SH2D1B: variants seen among roughly 807,000 people sequenced by gnomAD.
SH2D1B encodes the protein SH2 domain containing 1B, also known as SH2 domain-containing protein 1B.
A neutral mutation model predicts 16.3 loss-of-function variants in SH2D1B; 11 were observed. The ratio of observed to expected loss-of-function variants is 0.67; its 90% CI spans 0.42 to 1.11. The LOEUF (loss-of-function observed/expected upper bound fraction) is 1.11. SH2D1B is among the 50% of genes most tolerant of loss of function. SH2D1B has a pLI of 0.00. For missense variants in SH2D1B, 123 were observed against 153.1 expected (o/e 0.80, Z 1.04); for synonymous variants, 55 against 56.1 (o/e 0.98, Z 0.09).
In SH2D1B at chr1:162,397,071, T is replaced by G. The variant is rs1648394985; in HGVS notation, c.*209A>C. 1.8e-6 allele frequency: 1 copy of G among 556,096 alleles called. No individual in the cohort carries two copies. The highest frequency in any genetic ancestry group is 3.2e-6 in the Non-Finnish European group (1 of 308,978). 34.4% of individuals were successfully genotyped at this position (556,096 alleles called of 1,614,324 possible). On this transcript the variant is annotated 3_prime_UTR_variant, in exon 4 of 4. Transcript: ENST00000367929. ...GAAAGAAGAGTGAAACTGGAGAGGG[T>G]TTTGAAATTGCTCCTGGTATATGTC...
At chr1:162,401,177 C>T (rs1056944471) in intron 2 of SH2D1B, among the ~76,000 whole-genome samples, 2 of 152,200 alleles carry the variant, frequency 1.3e-5, no homozygotes, top group African/African-American at 4.8e-5. Context: ...GGCATCACTG[C>T]AGGCTTCTAA....
chr1:162,411,358 G>T (rs1427080377), intron 1 of SH2D1B, among the ~76,000 whole-genome samples: 1 of 152,190 alleles, frequency 6.6e-6, no homozygotes, highest in Non-Finnish European at 1.5e-5. Context: ...CTATGAAATG[G>T]TGACTGCTTA....
intron 1 of SH2D1B, among the ~76,000 whole-genome samples, chr1:162,406,959 C>T (rs549035913): frequency 6.0e-4 from 91 of 152,332 alleles, no homozygotes; most frequent in African/African-American, 2.1e-3. Flanking sequence ...ACCTTTTACA[C>T]ACTGGAGTTT....
rs763455020 is a variant in SH2D1B at position 162,402,764 on chromosome 1, T to C, written c.173A>G (p.Glu58Gly). 1 of 1,613,930 alleles carries C rather than the reference T, an allele frequency of 6.2e-7. No individual in the cohort carries two copies. Among genetic ancestry groups the C allele is most frequent in the East Asian group, 2.2e-5 (1 of 44,896 alleles). Residue 58 changes from glutamate (E) to glycine (G), a missense_variant, in exon 2 of 4, where the codon GAG (glutamate) becomes GGG (glycine). By Grantham distance (98) the Glu-to-Gly change is moderately conservative. Transcript: ENST00000367929. The stretch of plus-strand genomic sequence containing the variant: ...CTGTATCCTGTAATACCCGTGTTTC[T>C]CTCTGAAGATTCGGTATGTGTAGAC... ...NIVYTYRIFR[E>G]KHGYYRIQTA...
chr1:162,402,574 C>A, intron 2 of SH2D1B, 165 bp downstream of exon 2: 3 of 581,746 alleles, frequency 5.2e-6, no homozygotes, highest in Non-Finnish European at 9.2e-6. Flanking sequence ...CTTCCTATTT[C>A]TCTTCAGGGA....
intron 1 of SH2D1B, among the ~76,000 whole-genome samples, chr1:162,411,170 G>A (rs1350283916): frequency 1.3e-5 from 2 of 151,930 alleles, no homozygotes; most frequent in Non-Finnish European, 2.9e-5. Context: ...TGGCCAGGCT[G>A]GTCTCAAACT....
Position 162,397,328 on chromosome 1 carries a change from A to C in SH2D1B, c.364-13T>G. The C allele has an allele frequency of 6.2e-7, 1 of 1,613,680 alleles. No homozygotes were observed. Among genetic ancestry groups the C allele is most frequent in the Non-Finnish European group, 8.5e-7 (1 of 1,179,854 alleles). On this transcript the variant is annotated splice_polypyrimidine_tract_variant and intron_variant, in intron 3 of 3. Transcript: ENST00000367929. The stretch of plus-strand genomic sequence containing the variant: ...CGCTGTTACTGTTCTTTGGAGGGAA[A>C]AAAAAAGCAGAAGACCAGCCATGAG...
chr1:162,403,334 C>T (rs1249251772), intron 1 of SH2D1B, among the ~76,000 whole-genome samples: 2 of 150,402 alleles, frequency 1.3e-5, no homozygotes, highest in Non-Finnish European at 3.0e-5. Flanking sequence ...ACTAAAAATA[C>T]AAAAATTAGC....
chr1:162,400,586 G>A (rs1044552507), intron 2 of SH2D1B, among the ~76,000 whole-genome samples: 31 of 151,486 alleles, frequency 2.0e-4, no homozygotes, highest in African/African-American at 7.3e-4. Flanking sequence ...TTACAGGCGG[G>A]AGCCACCATG....
rs7551126 is a variant in SH2D1B, at chr1:162,402,517, A to C, written c.198+222T>G. The C allele has an allele frequency of 1.7e-5, 7 of 415,858 alleles. No homozygotes were observed. In the South Asian group the frequency reaches 3.2e-4, roughly 19 times the overall value. 25.8% of individuals were successfully genotyped at this position (415,858 alleles called of 1,614,324 possible). A position where few individuals can be genotyped will look rare whatever the true frequency, so the allele number is the denominator to read the frequency against. On this transcript the variant is annotated intron_variant, in intron 2 of 3. Coordinates refer to ENST00000367929, the MANE Select transcript of SH2D1B (RefSeq NM_053282.5). ...TGGACGACAGAGCGAGACTCCGTCT[A>C]AAAAAAACAAAACAACAACAAAAAA... is the stretch of plus-strand genomic sequence containing the variant.
At chr1:162,399,157 G>A in intron 2 of SH2D1B, 70 bp from the exon 3 acceptor site, 1 of 1,477,542 alleles carries the variant, frequency 6.8e-7, no homozygotes, top group Non-Finnish European at 9.2e-7. Context: ...ACTTCTCAAA[G>A]CAGTGGGTTT....
Position 162,398,965 on chromosome 1 carries a change from G to A in SH2D1B, c.321C>T (p.Ser107=), listed in dbSNP as rs755957201. The part of the protein sequence containing the change: ...LLKPIKRTSP[S]LRWRGLKLEL... Reference sequence around the variant, plus strand: ...CTAATTTCAATCCTCTCCATCTCAAGCTGGGGCTGGTTCTCTTTATTGGCT... The same window carrying A: ...CTAATTTCAATCCTCTCCATCTCAAACTGGGGCTGGTTCTCTTTATTGGCT... Residue 107 remains serine (S), a synonymous_variant, in exon 3 of 4, where the codon AGC becomes AGT. Transcript: ENST00000367929. 6.7e-5 allele frequency: 108 copies of A among 1,613,772 alleles called. No individual in the cohort carries two copies. Among genetic ancestry groups the A allele is most frequent in the Non-Finnish European group, 8.9e-5 (105 of 1,179,870 alleles).
chr1:162,402,890 T>A, intron 1 of SH2D1B, 88 bp from the exon 2 acceptor site: 1 of 1,035,780 alleles, frequency 9.7e-7, no homozygotes, highest in Non-Finnish European at 1.5e-6. Flanking sequence ...ATACCTTTGT[T>A]AATCTACAAT....
In SH2D1B at chr1:162,397,095, T is replaced by A; in HGVS notation, c.*185A>T. On this transcript the variant is annotated 3_prime_UTR_variant, in exon 4 of 4. Coordinates refer to ENST00000367929, the MANE Select transcript of SH2D1B (RefSeq NM_053282.5). ...GTTTTGAAATTGCTCCTGGTATATG[T>A]CTGGGAGGCGGGGATGTGGAGAGTG... 1.7e-6 allele frequency: 1 copy of A among 602,118 alleles called. No individual in the cohort carries two copies. The highest frequency in any genetic ancestry group is 3.0e-6 in the Non-Finnish European group (1 of 337,762). 37.3% of individuals were successfully genotyped at this position (602,118 alleles called of 1,614,324 possible).
intron 2 of SH2D1B, 21 bp downstream of exon 2, chr1:162,402,718 T>TGTC: frequency 1.2e-6 from 2 of 1,602,118 alleles, no homozygotes; most frequent in Non-Finnish European, 1.7e-6. Flanking sequence ...TTGTTGTTGT[T>TGTC]GTCGTCCTTT....
At chr1:162,407,909 G>A (rs144269693) in intron 1 of SH2D1B, among the ~76,000 whole-genome samples, 78 of 152,328 alleles carry the variant, frequency 5.1e-4, no homozygotes, top group African/African-American at 1.8e-3. Context: ...AACATAATAA[G>A]TGCTCAGTAT....
At chr1:162,403,200 A>G (rs1355317271) in intron 1 of SH2D1B, among the ~76,000 whole-genome samples, 1 of 152,182 alleles carries the variant, frequency 6.6e-6, no homozygotes, top group Non-Finnish European at 1.5e-5. Flanking sequence ...AATTAAAAAT[A>G]GAATTACTGG....
chr1:162,408,334 T>C (rs997123901), intron 1 of SH2D1B, among the ~76,000 whole-genome samples: 2 of 152,138 alleles, frequency 1.3e-5, no homozygotes, highest in African/African-American at 4.8e-5. Flanking sequence ...GACCTGATCA[T>C]GTGCAGGGGC....
Position 162,397,010 on chromosome 1 carries a change from A to G in SH2D1B, c.*270T>C. Reference sequence around the variant, plus strand: ...ATGATGTAGGGTGGTACCTTTAACAAGTCAAAGGGAAAATGTTCAGGCTGT... The same window carrying G: ...ATGATGTAGGGTGGTACCTTTAACAGGTCAAAGGGAAAATGTTCAGGCTGT... On this transcript the variant is annotated 3_prime_UTR_variant, in exon 4 of 4. Coordinates refer to ENST00000367929, the MANE Select transcript of SH2D1B (RefSeq NM_053282.5). 1 of 447,590 alleles carries G rather than the reference A, an allele frequency of 2.2e-6. No individual in the cohort carries two copies. The highest frequency in any genetic ancestry group is 4.1e-6 in the Non-Finnish European group (1 of 242,050). The allele number at this position is 447,590 out of a possible 1,614,324, so 27.7% of individuals were successfully genotyped here. A position where few individuals can be genotyped will look rare whatever the true frequency, so the allele number is the denominator to read the frequency against.
Sources: allele counts gnomAD v4.1 joint callset (sites outside exome capture counted in the v4.1 genomes callset), GRCh38; gene constraint gnomAD v4.1.1; transcripts MANE v1.5; gene names NCBI Gene and HGNC (gene_info 2026-07-23, HGNC 2026-07-21).